Variants in KANSL1 observed in about 807,000 individuals in gnomAD.
KANSL1 encodes the protein MLL1/MLL complex subunit KANSL1.
A neutral mutation model predicts 103.6 loss-of-function variants in KANSL1; 22 were observed. The ratio of observed to expected loss-of-function variants is 0.21; its 90% CI spans 0.15 to 0.30. The LOEUF (loss-of-function observed/expected upper bound fraction) is 0.30, where lower values mean the gene tolerates loss of function less well. Ranked by LOEUF, KANSL1 falls within the 10% of genes least tolerant of loss-of-function variation. The pLI is 1.00. For missense variants in KANSL1, 1,337 were observed against 1,399.8 expected (o/e 0.96, Z 0.72); for synonymous variants, 600 against 527.6 (o/e 1.14, Z -1.88).
intron 2 of KANSL1, among the ~76,000 whole-genome samples, chr17:46,144,049 T>C (rs1195522939): frequency 6.6e-6 from 1 of 152,218 alleles, no homozygotes; most frequent in Non-Finnish European, 1.5e-5. Flanking sequence ...TTCACATGTC[T>C]GTGGCTCTTT....
intron 7 of KANSL1, among the ~76,000 whole-genome samples, chr17:46,048,534 TAC>T (rs2077594607): frequency 6.6e-6 from 1 of 152,096 alleles, no homozygotes; most frequent in South Asian, 2.1e-4. Flanking sequence ...ACCACTGCAC[TAC>T]AGCCTGGGCA....
In KANSL1 at chr17:46,171,365, C is replaced by A. The variant is rs758752787; in HGVS notation, c.779G>T (p.Gly260Val). Residue 260 changes from glycine (G) to valine (V), a missense_variant, in exon 2 of 15, where the codon GGT becomes GTT. This residue lies in a region of KANSL1 where 557 missense variants were observed against 476.4 expected (regional missense o/e 1.17). Coordinates refer to ENST00000432791, the MANE Select transcript of KANSL1 (RefSeq NM_015443.4). ...PGTDSSSNLG[G>V]VKLEGKKSPL... ...AGACTTTTTACCCTCCAATTTGACA[C>A]CCCCCAAGTTAGAGCTGGAGTCTGT... 89 of 1,613,922 alleles carry A rather than the reference C, an allele frequency of 5.5e-5. No homozygotes were observed. The highest frequency in any genetic ancestry group is 7.4e-5 in the Non-Finnish European group (87 of 1,179,970).
At chr17:46,197,665 A>C (rs549122400), upstream of KANSL1, among the ~76,000 whole-genome samples, 27 of 152,370 alleles carry the variant, frequency 1.8e-4, no homozygotes, top group South Asian at 1.2e-3. Context: ...AATAATGTAC[A>C]GAGTTGGCAC....
intron 1 of KANSL1, 149 bp from the exon 2 acceptor site, chr17:46,172,381 G>C (rs1381598263): frequency 1.8e-6 from 1 of 541,502 alleles, no homozygotes; most frequent in African/African-American, 2.0e-5. Context: ...TTATTCTAGA[G>C]ACCCAAATAT....
intron 1 of KANSL1, among the ~76,000 whole-genome samples, chr17:46,174,943 G>A (rs1480508876): frequency 1.3e-5 from 2 of 152,206 alleles, no homozygotes; most frequent in African/African-American, 4.8e-5. Flanking sequence ...GGCATAAGCC[G>A]CCATGCCCAG....
At chr17:46,159,396 GA>G (rs2045612991) in intron 2 of KANSL1, among the ~76,000 whole-genome samples, 1 of 152,164 alleles carries the variant, frequency 6.6e-6, no homozygotes, top group Non-Finnish European at 1.5e-5. Flanking sequence ...CAAATGCTAA[GA>G]AAAATAACCT....
At chr17:46,172,348 C>T in intron 1 of KANSL1, 116 bp from the exon 2 acceptor site, 2 of 609,518 alleles carry the variant, frequency 3.3e-6, no homozygotes, top group Non-Finnish European at 5.6e-6. Flanking sequence ...AAAGAAAACA[C>T]TCTGGAGCTA....
upstream of KANSL1, among the ~76,000 whole-genome samples, chr17:46,197,697 C>T (rs531713719): frequency 3.2e-4 from 48 of 152,356 alleles, no homozygotes; most frequent in African/African-American, 1.1e-3. Context: ...TGGTTAAATG[C>T]TGTCTGTAAT....
chr17:46,155,084 G>A (rs2045343128), intron 2 of KANSL1, among the ~76,000 whole-genome samples: 1 of 151,350 alleles, frequency 6.6e-6, no homozygotes, highest in African/African-American at 2.4e-5. Flanking sequence ...ATTCAGAAAA[G>A]TTGATGGTAG....
chr17:46,159,855 T>C (rs1365577012), intron 2 of KANSL1, among the ~76,000 whole-genome samples: 1 of 152,236 alleles, frequency 6.6e-6, no homozygotes, highest in Middle Eastern at 3.2e-3. Flanking sequence ...AGAGTGTTTA[T>C]TACAGTAAAG....
At chr17:46,189,836 G>A (rs578039960) in intron 1 of KANSL1, among the ~76,000 whole-genome samples, 2 of 151,246 alleles carry the variant, frequency 1.3e-5, no homozygotes, top group African/African-American at 2.4e-5. Flanking sequence ...GAACCTGGGA[G>A]GCGGAGACTG....
intron 7 of KANSL1, among the ~76,000 whole-genome samples, chr17:46,049,053 T>G (rs927033396): frequency 2.0e-5 from 3 of 152,114 alleles, no homozygotes; most frequent in Non-Finnish European, 4.4e-5. Context: ...ACCCTCTGGT[T>G]TGGTAGATCT....
At chr17:46,187,614 A>G (rs1030522521) in intron 1 of KANSL1, among the ~76,000 whole-genome samples, 2 of 152,258 alleles carry the variant, frequency 1.3e-5, no homozygotes, top group Non-Finnish European at 2.9e-5. Flanking sequence ...ACACAGCTAA[A>G]TAATTTCCTG....
chr17:46,150,966 C>T (rs966892641), intron 2 of KANSL1, among the ~76,000 whole-genome samples: 7 of 149,100 alleles, frequency 4.7e-5, no homozygotes, highest in African/African-American at 1.7e-4. Flanking sequence ...TTGTGTTCAG[C>T]ATTATGAATA....
chr17:46,095,778 T>A (rs1318399709), intron 2 of KANSL1, among the ~76,000 whole-genome samples: 2 of 152,128 alleles, frequency 1.3e-5, no homozygotes, highest in Non-Finnish European at 2.9e-5. Flanking sequence ...CTAACACATA[T>A]AACTGACGAT....
At chr17:46,095,181 TAC>T (rs1370504165) in intron 2 of KANSL1, among the ~76,000 whole-genome samples, 1 of 152,226 alleles carries the variant, frequency 6.6e-6, no homozygotes, top group African/African-American at 2.4e-5. Flanking sequence ...TAAATATCTT[TAC>T]AGAGAAAATA....
At chr17:46,050,158 C>G (rs1205227116) in intron 7 of KANSL1, 1 of 178,028 alleles carries the variant, frequency 5.6e-6, no homozygotes, top group African/African-American at 2.4e-5. Flanking sequence ...TCAGGTGATC[C>G]GTCCACCTCA....
intron 2 of KANSL1, among the ~76,000 whole-genome samples, chr17:46,150,757 T>C (rs2147484710): frequency 6.6e-6 from 1 of 152,362 alleles, no homozygotes; most frequent in Non-Finnish European, 1.5e-5. Context: ...ATTGACATCC[T>C]GATTCTGCCA....
intron 3 of KANSL1, among the ~76,000 whole-genome samples, chr17:46,091,715 T>C (rs1435652149): frequency 1.3e-5 from 2 of 151,526 alleles, no homozygotes; most frequent in African/African-American, 2.4e-5. Flanking sequence ...GATGTACTGG[T>C]TTATACCCTA....
Sources: gnomAD v4.1 joint callset for allele counts (sites outside exome capture counted in the v4.1 genomes callset) on GRCh38, gnomAD v4.1.1 for gene constraint, gnomAD v4.1.1 regional missense constraint, MANE v1.5 for transcripts, NCBI Gene and HGNC (gene_info 2026-07-23, HGNC 2026-07-21) for gene names.